Variants in AFAP1L2 observed in about 807,000 individuals in gnomAD.
AFAP1L2 encodes the protein actin filament-associated protein 1-like 2.
AFAP1L2 carries 46 observed loss-of-function variants against 99.3 expected under a neutral mutation model. That is an observed-to-expected ratio of 0.46 (90% CI 0.37 to 0.59). The LOEUF (loss-of-function observed/expected upper bound fraction) is 0.59. Ranked by LOEUF, AFAP1L2 falls within the 20% of genes least tolerant of loss-of-function variation. The pLI is 0.00. For missense variants in AFAP1L2, 959 were observed against 1,034.9 expected (o/e 0.93, Z 1.01); for synonymous variants, 397 against 419.1 (o/e 0.95, Z 0.64).
intron 1 of AFAP1L2, among the ~76,000 whole-genome samples, chr10:114,382,677 C>A (rs1301447222): frequency 6.7e-5 from 10 of 150,012 alleles, no homozygotes; most frequent in Non-Finnish European, 1.5e-4. Flanking sequence ...CACTGCCCAA[C>A]CTCTGCCTCC....
chr10:114,338,511 A>G (rs2048320501), intron 2 of AFAP1L2, among the ~76,000 whole-genome samples: 1 of 152,256 alleles, frequency 6.6e-6, no homozygotes, highest in Non-Finnish European at 1.5e-5. Flanking sequence ...CTCCTTCGTA[A>G]TAGTTCAAAT....
intron 4 of AFAP1L2, among the ~76,000 whole-genome samples, 167 bp from the exon 5 acceptor site, chr10:114,323,428 C>G (rs1256971958): frequency 6.6e-6 from 1 of 152,204 alleles, no homozygotes; most frequent in African/African-American, 2.4e-5. Flanking sequence ...CCATCAGTCA[C>G]AGTCCATAGT....
Position 114,404,477 on chromosome 10 carries a change from T to A in AFAP1L2, c.-22A>T, listed in dbSNP as rs2058542476. On this transcript the variant is annotated 5_prime_UTR_variant, in exon 1 of 19. Coordinates refer to ENST00000304129, the MANE Select transcript of AFAP1L2 (RefSeq NM_001001936.3). Reference sequence around the variant, plus strand: ...CCATCGGGGCCACGGAGTGCGCTCCTCGCGGCTCGGCTTCTGCGCTGCTCT... The same window carrying A: ...CCATCGGGGCCACGGAGTGCGCTCCACGCGGCTCGGCTTCTGCGCTGCTCT... The A allele has an allele frequency of 6.5e-7, 1 of 1,536,224 alleles. No individual in the cohort carries two copies. Among genetic ancestry groups the A allele is most frequent in the Non-Finnish European group, 8.7e-7 (1 of 1,144,356 alleles).
chr10:114,338,922 G>A (rs370049665), intron 2 of AFAP1L2, among the ~76,000 whole-genome samples: 15 of 152,106 alleles, frequency 9.9e-5, no homozygotes, highest in East Asian at 7.7e-4. Flanking sequence ...TCATGGACTC[G>A]GGGTTCTGTA....
At chr10:114,285,835 C>G in the AFAP1L2 span, 1 of 1,272,844 alleles carries the variant, frequency 7.9e-7, no homozygotes. Flanking sequence ...CCCACAGTTT[C>G]TCTGCACCAT....
chr10:114,299,666 T>C (rs1452845853), intron 15 of AFAP1L2, among the ~76,000 whole-genome samples: 14 of 152,236 alleles, frequency 9.2e-5, no homozygotes, highest in Admixed American at 9.2e-4. Flanking sequence ...TGGGTGTGTC[T>C]GTGAGCGTGT....
intron 1 of AFAP1L2, among the ~76,000 whole-genome samples, chr10:114,393,194 T>C (rs1210156051): frequency 2.0e-5 from 3 of 152,154 alleles, no homozygotes; most frequent in Non-Finnish European, 1.5e-5. Flanking sequence ...CCCAACTCTA[T>C]TGCTAGGCAA....
the AFAP1L2 span, chr10:114,282,533 T>C: frequency 9.9e-6 from 16 of 1,613,990 alleles, no homozygotes; most frequent in Non-Finnish European, 1.2e-5. Context: ...AGAGTGTTCC[T>C]AACCCACCCT....
At chr10:114,368,993 G>GC (rs2053699103) in intron 1 of AFAP1L2, among the ~76,000 whole-genome samples, 1 of 152,072 alleles carries the variant, frequency 6.6e-6, no homozygotes, top group Non-Finnish European at 1.5e-5. Context: ...CAAGGAGTTG[G>GC]CCACGGCAAA....
chr10:114,397,750 T>C (rs971746258), intron 1 of AFAP1L2, among the ~76,000 whole-genome samples: 2 of 152,190 alleles, frequency 1.3e-5, no homozygotes, highest in African/African-American at 2.4e-5. Flanking sequence ...GGTTGCTGTC[T>C]CTGAGCTAAC....
chr10:114,291,335 CTG>C (rs1328745812), downstream of AFAP1L2: 2 of 1,389,478 alleles, frequency 1.4e-6, no homozygotes. Context: ...TCTGGAATGT[CTG>C]TGCCCCAGGT....
chr10:114,376,503 A>T (rs2054818256), intron 1 of AFAP1L2, among the ~76,000 whole-genome samples: 1 of 152,218 alleles, frequency 6.6e-6, no homozygotes, highest in Non-Finnish European at 1.5e-5. Context: ...TTGTTTTAAC[A>T]TGGGGTAGAG....
chr10:114,291,932 C>A (rs796525476), downstream of AFAP1L2, among the ~76,000 whole-genome samples: 2 of 152,084 alleles, frequency 1.3e-5, no homozygotes, highest in Non-Finnish European at 2.9e-5. Flanking sequence ...GGAGGGGCCA[C>A]GTAAAATCGT....
rs1354871997 is a variant in AFAP1L2, at chr10:114,300,630, G to A, written c.1603C>T (p.Arg535Ter). The A allele has an allele frequency of 3.7e-6, 6 of 1,613,018 alleles. No individual in the cohort carries two copies. Among genetic ancestry groups the A allele is most frequent in the Non-Finnish European group, 4.2e-6 (5 of 1,179,424 alleles). ...ACAGGTGTGAGGTCCAGGTACACTCGGTCAGATTCTCTCTCATTTGGGTCA... is the reference window on the plus strand; with the variant it reads ...ACAGGTGTGAGGTCCAGGTACACTCAGTCAGATTCTCTCTCATTTGGGTCA... ...ADDPNERESD[R>*]VYLDLTPVKS... The change falls in exon 14 of 19, where the codon CGA becomes TGA. Residue 535 changes from arginine to a stop codon, truncating the protein, a stop_gained. Coordinates refer to ENST00000304129, the MANE Select transcript of AFAP1L2 (RefSeq NM_001001936.3). LOFTEE classifies it high-confidence loss of function.
At chr10:114,393,551 T>A (rs1489816129) in intron 1 of AFAP1L2, 1 of 152,158 alleles carries the variant, frequency 6.6e-6, no homozygotes, top group East Asian at 1.9e-4. Context: ...CCCCGAAGCC[T>A]CTTTCATCGT....
chr10:114,282,393 G>A, the AFAP1L2 span: 2 of 765,512 alleles, frequency 2.6e-6, no homozygotes, highest in African/African-American at 1.7e-5. Context: ...ACAAAACCAG[G>A]AAGTCTTTCT....
rs187020509 is a variant in AFAP1L2 at position 114,390,707 on chromosome 10, C to A, written c.16+13733G>T. Among the ~76,000 whole-genome samples the A allele has an allele frequency of 1.6e-4, 17 of 109,552 alleles. No individual in the cohort carries two copies. In the East Asian group the frequency reaches 4.7e-3, roughly 30 times the overall value. The allele number at this position is 109,552 out of a possible 152,430, so 71.9% of individuals were successfully genotyped here. A position where few individuals can be genotyped will look rare whatever the true frequency, so the allele number is the denominator to read the frequency against. On this transcript the variant is annotated intron_variant, in intron 1 of 18. Coordinates refer to ENST00000304129, the MANE Select transcript of AFAP1L2 (RefSeq NM_001001936.3). The stretch of plus-strand genomic sequence containing the variant: ...CTGTACTCCAGCCTGGACAACAGGG[C>A]GAGACTCTGTCTCAAAAAAAAAAAA...
At chr10:114,313,324 AC>A (rs1192989056) in intron 7 of AFAP1L2, among the ~76,000 whole-genome samples, 3 of 152,028 alleles carry the variant, frequency 2.0e-5, no homozygotes, top group Non-Finnish European at 4.4e-5. Context: ...TCATAATCAC[AC>A]CCAGGGACGC....
At chr10:114,348,483 T>C (rs1009047248) in intron 1 of AFAP1L2, among the ~76,000 whole-genome samples, 2 of 152,106 alleles carry the variant, frequency 1.3e-5, no homozygotes, top group Admixed American at 1.3e-4. Flanking sequence ...GCATGAGAAG[T>C]TTGCTCCTTT....
Sources: gnomAD v4.1 joint callset for allele counts (sites outside exome capture counted in the v4.1 genomes callset) on GRCh38, gnomAD v4.1.1 for gene constraint, MANE v1.5 for transcripts, NCBI Gene and HGNC (gene_info 2026-07-23, HGNC 2026-07-21) for gene names.